PTPRM: variants seen among roughly 807,000 people sequenced by gnomAD.
PTPRM encodes receptor-type tyrosine-protein phosphatase mu.
PTPRM carries 47 observed loss-of-function variants against 186.7 expected under a neutral mutation model. The ratio of observed to expected loss-of-function variants is 0.25; its 90% CI spans 0.20 to 0.32. The LOEUF (loss-of-function observed/expected upper bound fraction) is 0.32, where lower values mean the gene tolerates loss of function less well. Among genes scored for constraint, PTPRM ranks in the 10% least tolerant of loss-of-function variants. The pLI is 1.00. For synonymous variants in PTPRM, 668 were observed against 674.9 expected, an observed-to-expected ratio of 0.99 and a Z score of 0.16; for missense variants, 1,494 against 1,865.0, an observed-to-expected ratio of 0.80 and a Z score of 3.66.
chr18:8,213,656 A>G (rs1268589553), intron 14 of PTPRM, among the ~76,000 whole-genome samples: 1 of 152,190 alleles, frequency 6.6e-6, no homozygotes, highest in Non-Finnish European at 1.5e-5. Context: ...TGAAGAGTGC[A>G]GAAAGTCTCA....
At chr18:7,648,276 T>TA (rs1356197634) in intron 1 of PTPRM, among the ~76,000 whole-genome samples, 4 of 152,178 alleles carry the variant, frequency 2.6e-5, no homozygotes, top group Admixed American at 6.5e-5. Flanking sequence ...GGCTGGCTGT[T>TA]ACCCCATCTC....
rs1310401352 is a variant in PTPRM at position 7,668,577 on chromosome 18, C to T, written c.73+100686C>T. 6.6e-6 allele frequency among the ~76,000 whole-genome samples: 1 copy of T among 152,184 alleles called. No homozygotes were observed. Among genetic ancestry groups the T allele is most frequent in the Non-Finnish European group, 1.5e-5 (1 of 68,042 alleles). ...GAGGCTGCAGTCCTCACAGTGGCCTCTGAGTCCTGCATGGCCTGGCCCCAT... is the reference window on the plus strand; with the variant it reads ...GAGGCTGCAGTCCTCACAGTGGCCTTTGAGTCCTGCATGGCCTGGCCCCAT... On this transcript the variant is annotated intron_variant, in intron 1 of 32. Transcript: ENST00000580170. This position sits in a 1 kb window ranked among gnomAD's most constrained non-coding sequence, Gnocchi z 4.7.
chr18:7,715,367 A>G (rs2040304525), intron 1 of PTPRM, among the ~76,000 whole-genome samples: 1 of 152,254 alleles, frequency 6.6e-6, no homozygotes, highest in Non-Finnish European at 1.5e-5. Flanking sequence ...CAAAATAATA[A>G]GAGCTATTTA....
In PTPRM at chr18:8,114,774, C is replaced by A; in HGVS notation, c.2131-17C>A. ...AAAACATGAATAATGATTTTTCCCT[C>A]TCTTTATTTGACACAGGAAACCAAA... On this transcript the variant is annotated splice_polypyrimidine_tract_variant and intron_variant, in intron 12 of 32. Coordinates refer to ENST00000580170, the MANE Select transcript of PTPRM (RefSeq NM_001105244.2). 1 of 1,594,856 alleles carries A rather than the reference C, an allele frequency of 6.3e-7. No homozygotes were observed. The highest frequency in any genetic ancestry group is 8.6e-7 in the Non-Finnish European group (1 of 1,167,616).
chr18:8,043,021 T>C (rs1355269271), intron 7 of PTPRM, among the ~76,000 whole-genome samples: 1 of 152,126 alleles, frequency 6.6e-6, no homozygotes, highest in East Asian at 1.9e-4. Context: ...AGCCCTCTGT[T>C]CCCCACAGCT....
intron 1 of PTPRM, among the ~76,000 whole-genome samples, chr18:7,616,638 A>G (rs1489418015): frequency 1.3e-5 from 2 of 151,592 alleles, no homozygotes; most frequent in Non-Finnish European, 2.9e-5. Context: ...GGCACCCCTC[A>G]CTCGTGGGCC....
intron 7 of PTPRM, among the ~76,000 whole-genome samples, chr18:8,064,522 T>C (rs1306295051): frequency 3.9e-5 from 6 of 152,240 alleles, no homozygotes; most frequent in African/African-American, 9.6e-5. Context: ...ATTTTTGTTA[T>C]GATAAAATGT....
intron 23 of PTPRM, among the ~76,000 whole-genome samples, chr18:8,369,102 A>G (rs2095649180): frequency 6.6e-6 from 1 of 152,184 alleles, no homozygotes; most frequent in Non-Finnish European, 1.5e-5. Flanking sequence ...AACAGAAGGA[A>G]TGGTGCGAGT....
chr18:8,134,835 T>A (rs2092600977), intron 13 of PTPRM, among the ~76,000 whole-genome samples: 1 of 152,112 alleles, frequency 6.6e-6, no homozygotes, highest in African/African-American at 2.4e-5. Flanking sequence ...CACTTGAGTT[T>A]TCTGTATTAT....
intron 2 of PTPRM, among the ~76,000 whole-genome samples, chr18:7,885,607 C>T (rs1475147931): frequency 6.6e-6 from 1 of 152,148 alleles, no homozygotes; most frequent in Admixed American, 6.5e-5. Flanking sequence ...ATGAGTTAAT[C>T]TGCACTACAG....
At chr18:8,222,796 A>G (rs1171313655) in intron 14 of PTPRM, among the ~76,000 whole-genome samples, 1 of 152,180 alleles carries the variant, frequency 6.6e-6, no homozygotes, top group Non-Finnish European at 1.5e-5. Flanking sequence ...TTGGTTTTCT[A>G]AGCATTTTTT....
chr18:7,865,959 A>G (rs909196226), intron 2 of PTPRM, among the ~76,000 whole-genome samples: 4 of 152,044 alleles, frequency 2.6e-5, no homozygotes, highest in African/African-American at 7.2e-5. Flanking sequence ...TAGATTTTCT[A>G]GTTTATTTTT....
intron 11 of PTPRM, among the ~76,000 whole-genome samples, chr18:8,104,878 C>A (rs2091449007): frequency 6.6e-6 from 1 of 152,100 alleles, no homozygotes; most frequent in Non-Finnish European, 1.5e-5. Context: ...TTTCCTTTCA[C>A]CATTTTTATT....
At chr18:7,726,285 C>T (rs2040548371) in intron 1 of PTPRM, among the ~76,000 whole-genome samples, 1 of 152,090 alleles carries the variant, frequency 6.6e-6, no homozygotes, top group Non-Finnish European at 1.5e-5. Flanking sequence ...ATTTACATAT[C>T]TTCTTTCAAA....
chr18:7,819,476 G>A (rs1241169411), intron 2 of PTPRM, among the ~76,000 whole-genome samples: 1 of 152,162 alleles, frequency 6.6e-6, no homozygotes, highest in Non-Finnish European at 1.5e-5. Context: ...TTTGGCCAGG[G>A]CAGAGGAGAG....
intron 7 of PTPRM, among the ~76,000 whole-genome samples, chr18:8,029,837 C>T (rs945411431): frequency 1.3e-5 from 2 of 152,178 alleles, no homozygotes; most frequent in Non-Finnish European, 2.9e-5. Flanking sequence ...TTCCCAATGT[C>T]CACAGGATGA....
chr18:7,924,757 T>A lies in PTPRM; in HGVS notation c.548-1811T>A, dbSNP rs370185596. The stretch of plus-strand genomic sequence containing the variant: ...AAGGCCTAACCACAAGGTGAGCGAA[T>A]CTACAGAAGCTTCATGGAAGGAACA... On this transcript the variant is annotated intron_variant, in intron 4 of 32. Transcript: ENST00000580170. Among the ~76,000 whole-genome samples the A allele has an allele frequency of 4.6e-5, 7 of 152,254 alleles. No homozygotes were observed. In the East Asian group the frequency reaches 1.4e-3, roughly 29 times the overall value.
Position 8,355,066 on chromosome 18 carries a change from T to C in PTPRM, c.3054+11546T>C, listed in dbSNP as rs576136253. ...AAATCACAGACAAGACAGAAGGGGATGCCTTCAGTTCATAAGCATATGCTG... is the reference window on the plus strand; with the variant it reads ...AAATCACAGACAAGACAGAAGGGGACGCCTTCAGTTCATAAGCATATGCTG... On this transcript the variant is annotated intron_variant, in intron 23 of 32. Transcript: ENST00000580170. Among the ~76,000 whole-genome samples the C allele has an allele frequency of 3.3e-5, 5 of 152,270 alleles. No homozygotes were observed. The South Asian group carries it at 1.0e-3, about 32-fold the overall frequency.
intron 9 of PTPRM, among the ~76,000 whole-genome samples, chr18:8,080,972 T>G (rs1034768674): frequency 3.3e-5 from 5 of 152,160 alleles, no homozygotes; most frequent in African/African-American, 1.2e-4. Context: ...CCTTGAAATA[T>G]CCTAGGTCCT....
Sources: allele counts gnomAD v4.1 joint callset (sites outside exome capture counted in the v4.1 genomes callset), GRCh38; gene constraint gnomAD v4.1.1; non-coding constraint Gnocchi (gnomAD v3.1); transcripts MANE v1.5; gene names NCBI Gene and HGNC (gene_info 2026-07-23, HGNC 2026-07-21).